The following BCKDHA variants were observed in gnomAD, a reference collection of about 807,000 sequenced individuals.
BCKDHA encodes the protein 2-oxoisovalerate dehydrogenase subunit alpha, mitochondrial.
A neutral mutation model predicts 52.2 loss-of-function variants in BCKDHA; 43 were observed. The ratio of observed to expected loss-of-function variants is 0.82; its 90% confidence interval spans 0.64 to 1.06. BCKDHA has a LOEUF of 1.06. BCKDHA is among the 50% of genes least tolerant of loss of function. The pLI, the probability that BCKDHA is intolerant of heterozygous loss-of-function variation, is 0.00. For missense variants in BCKDHA, 527 were observed against 621.3 expected (o/e 0.85, Z 1.61); for synonymous variants, 234 against 247.9 (o/e 0.94, Z 0.53).
rs143493552 is a variant in BCKDHA, at chr19:41,401,650, G to A, written c.108+3715G>A. On this transcript the variant is annotated intron_variant, in intron 1 of 8. Transcript: ENST00000269980. Reference sequence around the variant, plus strand: ...ACGTTTTAGTGCTCAGGGAAAGGAGGAGGAAGGAAACTCAGATTGTCAAGG... The same window carrying A: ...ACGTTTTAGTGCTCAGGGAAAGGAGAAGGAAGGAAACTCAGATTGTCAAGG... Among the ~76,000 whole-genome samples, 1,049 of 152,264 alleles carry A rather than the reference G, an allele frequency of 6.9e-3. 18 individuals carry two copies. Among genetic ancestry groups the A allele is most frequent in the African/African-American group, 0.024 (1,006 of 41,536 alleles).
intron 4 of BCKDHA, 105 bp from the exon 5 acceptor site, chr19:41,419,030 C>A: frequency 1.4e-6 from 2 of 1,381,506 alleles, no homozygotes; most frequent in Non-Finnish European, 2.1e-6. Context: ...TTAAAACAAG[C>A]CTGAGCTTTC....
intron 1 of BCKDHA, among the ~76,000 whole-genome samples, chr19:41,398,174 G>C (rs951748336): frequency 1.3e-5 from 2 of 152,174 alleles, no homozygotes; most frequent in African/African-American, 2.4e-5. Context: ...TGGGCCCTGA[G>C]GGAGACGACT....
intron 1 of BCKDHA, among the ~76,000 whole-genome samples, chr19:41,402,774 G>C: frequency 6.6e-6 from 1 of 152,184 alleles, no homozygotes; most frequent in Middle Eastern, 3.4e-3. Flanking sequence ...TCGAGTAGCT[G>C]GGACTACAGG....
intron 6 of BCKDHA, 68 bp downstream of exon 6, chr19:41,422,438 T>C: frequency 1.9e-6 from 3 of 1,594,128 alleles, no homozygotes; most frequent in African/African-American, 1.3e-5. Flanking sequence ...TCCTGCCACC[T>C]TCCTGCCACC....
At position 41,424,855 on chromosome 19, in the gene BCKDHA, T is replaced by A; in HGVS notation, c.*247T>A. 1 of 482,888 alleles carries A rather than the reference T, an allele frequency of 2.1e-6. No individual in the cohort carries two copies. The highest frequency in any genetic ancestry group is 3.7e-6 in the Non-Finnish European group (1 of 271,106). The allele number at this position is 482,888 out of a possible 1,614,324, so 29.9% of individuals were successfully genotyped here. On this transcript the variant is annotated 3_prime_UTR_variant, in exon 9 of 9. Transcript: ENST00000269980. ...CTCTTCACCTGTTGTTACAGTGCCT[T>A]CTCCCAGGGGCTGGGTGAGGGCACA...
At chr19:41,409,810 T>C (rs2039232077) in intron 1 of BCKDHA, among the ~76,000 whole-genome samples, 1 of 147,710 alleles carries the variant, frequency 6.8e-6, no homozygotes, top group Non-Finnish European at 1.5e-5. Context: ...TTTTTTTTTT[T>C]TTTTTTTTTT....
chr19:41,400,178 C>G (rs1342698068), intron 1 of BCKDHA, among the ~76,000 whole-genome samples: 1 of 151,864 alleles, frequency 6.6e-6, no homozygotes, highest in Non-Finnish European at 1.5e-5. Flanking sequence ...GCAATCCCCC[C>G]ACCTCCACCT....
chr19:41,419,790 G>A (rs1046979565), intron 5 of BCKDHA, among the ~76,000 whole-genome samples: 9 of 139,694 alleles, frequency 6.4e-5, no homozygotes, highest in Admixed American at 1.5e-4. Context: ...GGTCTGAGAC[G>A]GGGTTTCACT....
At chr19:41,407,362 A>C (rs11083619) in intron 1 of BCKDHA, among the ~76,000 whole-genome samples, 100,010 of 152,074 alleles carry the variant, frequency 0.66, 33,982 homozygotes, top group African/African-American at 0.83. Context: ...GGAACTTAAC[A>C]GCCCATTCAT....
chr19:41,416,549 G>A (rs1166835384), intron 4 of BCKDHA, among the ~76,000 whole-genome samples: 1 of 152,200 alleles, frequency 6.6e-6, no homozygotes, highest in Non-Finnish European at 1.5e-5. Flanking sequence ...CCCACCCTTG[G>A]CTGTCTTCCC....
intron 4 of BCKDHA, 50 bp from the exon 5 acceptor site, chr19:41,419,085 T>A: frequency 6.2e-7 from 1 of 1,608,772 alleles, no homozygotes; most frequent in Non-Finnish European, 8.5e-7. Flanking sequence ...AGGGCTGAAC[T>A]GTCCCCCTGT....
Position 41,423,116 on chromosome 19 carries a change from G to A in BCKDHA, c.1114G>A (p.Gly372Ser). The A allele has an allele frequency of 6.4e-7, 1 of 1,563,758 alleles. No homozygotes were observed. The highest frequency in any genetic ancestry group is 1.2e-5 in the South Asian group (1 of 85,084). Residue 372 changes from glycine to serine, a missense_variant, in exon 8 of 9, where the codon GGC (glycine) becomes AGC (serine). Gly to Ser is a moderately conservative substitution (Grantham distance 56). Coordinates refer to ENST00000269980, the MANE Select transcript of BCKDHA (RefSeq NM_000709.4). ...SRLRHYLLSQ[G>S]WWDEEQEKAW... The stretch of plus-strand genomic sequence containing the variant: ...GCTGCGGCACTATCTGCTGAGCCAA[G>A]GCTGGTGGGATGAGGAGCAGGAGAA...
rs561186353 is a variant in BCKDHA, at chr19:41,410,835, C to G, written c.288+19C>G. 34 of 1,613,952 alleles carry G rather than the reference C, an allele frequency of 2.1e-5. No homozygotes were observed. The highest frequency in any genetic ancestry group is 1.5e-4 in the Admixed American group (9 of 60,000). The stretch of plus-strand genomic sequence containing the variant: ...CCCCCACGTGAGAGGCGGCCTCCCC[C>G]ACTTCCCGTGCCCCCCACGCCCAGG... On this transcript the variant is annotated intron_variant, in intron 2 of 8. Coordinates refer to ENST00000269980, the MANE Select transcript of BCKDHA (RefSeq NM_000709.4).
chr19:41,416,517 C>G (rs1416923759), intron 4 of BCKDHA, among the ~76,000 whole-genome samples: 1 of 152,172 alleles, frequency 6.6e-6, no homozygotes, highest in African/African-American at 2.4e-5. Context: ...GCAGTCTGAC[C>G]CAGAGACAGC....
chr19:41,403,988 T>C (rs1304084989), intron 1 of BCKDHA, among the ~76,000 whole-genome samples: 4 of 152,212 alleles, frequency 2.6e-5, no homozygotes, highest in East Asian at 3.8e-4. Flanking sequence ...GCTGTTGTTA[T>C]TGTTTTGAGA....
intron 1 of BCKDHA, among the ~76,000 whole-genome samples, chr19:41,402,637 CT>C (rs1474972209): frequency 2.0e-5 from 3 of 151,952 alleles, no homozygotes; most frequent in Non-Finnish European, 2.9e-5. Flanking sequence ...CCAGTATTGG[CT>C]TATTTTGTTT....
intron 4 of BCKDHA, chr19:41,418,770 G>A (rs571049283): frequency 5.3e-5 from 24 of 450,686 alleles, no homozygotes; most frequent in African/African-American, 4.2e-4. Flanking sequence ...CAACTCCTGG[G>A]CTCAAGCGAT....
chr19:41,410,501 C>A, intron 1 of BCKDHA, 136 bp from the exon 2 acceptor site: 1 of 919,492 alleles, frequency 1.1e-6, no homozygotes, highest in Non-Finnish European at 1.7e-6. Context: ...GGGGCTCAGA[C>A]CCTGTGAGTC....
intron 1 of BCKDHA, among the ~76,000 whole-genome samples, chr19:41,401,775 C>T (rs973470034): frequency 6.6e-6 from 1 of 152,166 alleles, no homozygotes; most frequent in South Asian, 2.1e-4. Context: ...AGTCCCTACC[C>T]TGTTGGAAGT....
Sources: allele counts gnomAD v4.1 joint callset (sites outside exome capture counted in the v4.1 genomes callset), GRCh38; gene constraint gnomAD v4.1.1; transcripts MANE v1.5; gene names NCBI Gene and HGNC (gene_info 2026-07-23, HGNC 2026-07-21).